PCDHGA4: variants seen among roughly 807,000 people sequenced by gnomAD.
The protein encoded by PCDHGA4 is protocadherin gamma subfamily A, 4.
A neutral mutation model predicts 54.6 loss-of-function variants in PCDHGA4; 38 were observed. That is an observed-to-expected ratio of 0.70 (90% confidence interval 0.54 to 0.91). PCDHGA4 has a LOEUF of 0.91. PCDHGA4 is among the 40% of genes least tolerant of loss of function. The pLI, the probability that PCDHGA4 is intolerant of heterozygous loss-of-function variation, is 0.00. For missense variants in PCDHGA4, 1,298 were observed against 1,220.9 expected, an observed-to-expected ratio of 1.06 and a Z score of -0.94; for synonymous variants, 511 against 512.9, an observed-to-expected ratio of 1.00 and a Z score of 0.05.
At position 141,493,332 on chromosome 5, in the gene PCDHGA4, C is replaced by T. The variant is rs2099747680; in HGVS notation, c.2515-1475C>T. 6.6e-6 allele frequency among the ~76,000 whole-genome samples: 1 copy of T among 152,210 alleles called. No homozygotes were observed. The highest frequency in any genetic ancestry group is 1.5e-5 in the Non-Finnish European group (1 of 68,036). Reference sequence around the variant, plus strand: ...AAGAGAGATTCTAACCCCTGTCTAACTCCAGAATGTGTGCTTTTAATTTCT... The same window carrying T: ...AAGAGAGATTCTAACCCCTGTCTAATTCCAGAATGTGTGCTTTTAATTTCT... On this transcript the variant is annotated intron_variant, in intron 1 of 3. Transcript: ENST00000571252. This position sits in a 1 kb window ranked among gnomAD's most constrained non-coding sequence, Gnocchi z 4.3.
At position 141,512,045 on chromosome 5, in the gene PCDHGA4, C is replaced by T. The variant is rs568357347; in HGVS notation, c.*872C>T. On this transcript the variant is annotated 3_prime_UTR_variant, in exon 4 of 4. Transcript: ENST00000571252. ...GGCCTTGGAGGAGGCTCTGTATGTC[C>T]TCAGGGGACTGACAACATCCTCCAG... The T allele has an allele frequency of 1.5e-3, 224 of 152,846 alleles. 2 individuals are homozygous for T. The highest frequency in any genetic ancestry group is 4.6e-4 in the Non-Finnish European group (31 of 68,130). The allele number at this position is 152,846 out of a possible 1,614,324, so 9.5% of individuals were successfully genotyped here. A position where few individuals can be genotyped will look rare whatever the true frequency, so the allele number is the denominator to read the frequency against.
At chr5:141,412,509 A>G (rs1452202369) in intron 1 of PCDHGA4, 2 of 152,208 alleles carry the variant, frequency 1.3e-5, no homozygotes, top group Admixed American at 1.3e-4. Flanking sequence ...AATAAGTTTA[A>G]TGAATTAAGT....
At chr5:141,371,133 T>C (rs772495360) in intron 1 of PCDHGA4, 1 of 1,614,000 alleles carries the variant, frequency 6.2e-7, no homozygotes, top group Non-Finnish European at 8.5e-7. Flanking sequence ...TCAGGACATG[T>C]ACAGGGTCAA....
At chr5:141,384,795 G>C (rs763067876) in intron 1 of PCDHGA4, 1 of 1,613,482 alleles carries the variant, frequency 6.2e-7, no homozygotes, top group South Asian at 1.1e-5. Context: ...CTCGGGCCCT[G>C]CTGGACAGAG....
intron 1 of PCDHGA4, among the ~76,000 whole-genome samples, chr5:141,450,315 G>A (rs1319432573): frequency 1.3e-5 from 2 of 151,918 alleles, no homozygotes; most frequent in African/African-American, 4.8e-5. Context: ...GTGTGGCCTA[G>A]TTGCCATGTC....
chr5:141,399,735 T>A (rs909521642), intron 1 of PCDHGA4: 1 of 1,613,198 alleles, frequency 6.2e-7, no homozygotes, highest in African/African-American at 1.3e-5. Flanking sequence ...AGGGCTCGCC[T>A]GCGCTCAGCG....
chr5:141,368,261 C>A (rs1765551887), intron 1 of PCDHGA4, among the ~76,000 whole-genome samples: 1 of 152,202 alleles, frequency 6.6e-6, no homozygotes, highest in African/African-American at 2.4e-5. Flanking sequence ...TTAATTGACA[C>A]ATTAAAGAAC....
Position 141,417,931 on chromosome 5 carries a change from G to C in PCDHGA4, c.2514+60310G>C, listed in dbSNP as rs551432799. The C allele has an allele frequency of 6.2e-6, 10 of 1,611,500 alleles. No homozygotes were observed. In the South Asian group the frequency reaches 9.9e-5, roughly 16 times the overall value. On this transcript the variant is annotated intron_variant, in intron 1 of 3. Transcript: ENST00000571252. ...TACTATTTCCTTTGCTGCTGCCTTT[G>C]TTCTACCCCACGCTGTGTGAGCCGA...
chr5:141,405,204 A>G, intron 1 of PCDHGA4: 1 of 1,613,034 alleles, frequency 6.2e-7, no homozygotes. Flanking sequence ...GCTTTCCTAC[A>G]GACCTATTCT....
intron 1 of PCDHGA4, among the ~76,000 whole-genome samples, chr5:141,359,034 G>C (rs79372563): frequency 0.023 from 3,485 of 152,348 alleles, 54 homozygotes; most frequent in South Asian, 0.038. Flanking sequence ...GGAAGTTGTA[G>C]TGATAGACTG....
intron 1 of PCDHGA4, among the ~76,000 whole-genome samples, chr5:141,479,789 T>C (rs888217885): frequency 3.3e-5 from 5 of 152,196 alleles, no homozygotes; most frequent in Non-Finnish European, 2.9e-5. Flanking sequence ...AAAGCATTCA[T>C]TAATTCAGGG....
intron 1 of PCDHGA4, chr5:141,392,986 A>G (rs573495684): frequency 1.9e-6 from 3 of 1,613,454 alleles, no homozygotes; most frequent in East Asian, 4.5e-5. Context: ...GACCCCCGGA[A>G]GCTGGCGAAG....
intron 1 of PCDHGA4, chr5:141,364,485 T>C (rs1357301419): frequency 6.2e-7 from 1 of 1,614,028 alleles, no homozygotes; most frequent in Admixed American, 1.7e-5. Flanking sequence ...GCCAAGGACC[T>C]TGGGCTGGAG....
Position 141,505,427 on chromosome 5 carries a change from A to G in PCDHGA4, c.2608A>G (p.Asn870Asp), listed in dbSNP as rs1453435374. Reference protein sequence around the residue: ...QNGDDTGTWPNNQFDTEMLQA... With the variant: ...QNGDDTGTWPDNQFDTEMLQA... The stretch of plus-strand genomic sequence containing the variant: ...TGGCGATGACACCGGCACCTGGCCC[A>G]ACAACCAGTTTGACACAGAGATGCT... The change falls in exon 3 of 4, where the codon AAC (asparagine) becomes GAC (aspartate). Residue 870 changes from asparagine to aspartate, a missense_variant. Physicochemically the swap from Asn to Asp is conservative, Grantham distance 23 (BLOSUM62 1). Coordinates refer to ENST00000571252, the MANE Select transcript of PCDHGA4 (RefSeq NM_018917.4). 1 of 1,614,230 alleles carries G rather than the reference A, an allele frequency of 6.2e-7. No individual in the cohort carries two copies. Among genetic ancestry groups the G allele is most frequent in the East Asian group, 2.2e-5 (1 of 44,878 alleles).
rs748524462 is a variant in PCDHGA4, at chr5:141,356,665, T to C, written c.1558T>C (p.Tyr520His). 3 of 1,613,898 alleles carry C rather than the reference T, an allele frequency of 1.9e-6. No homozygotes were observed. The highest frequency in any genetic ancestry group is 3.3e-5 in the Admixed American group (2 of 60,008). ...PDSGDNARITYSLAEDTFQGA... is the reference protein window; with the variant it reads ...PDSGDNARITHSLAEDTFQGA... ...CAGTGGTGACAATGCCCGAATCACT[T>C]ACTCCCTGGCCGAAGACACCTTCCA... The change falls in exon 1 of 4, where the codon TAC becomes CAC. Residue 520 changes from tyrosine (Y) to histidine (H), a missense_variant. By Grantham distance (83) the Tyr-to-His change is moderately conservative. Coordinates refer to ENST00000571252, the MANE Select transcript of PCDHGA4 (RefSeq NM_018917.4).
At position 141,511,420 on chromosome 5, in the gene PCDHGA4, G is replaced by A; in HGVS notation, c.*247G>A. On this transcript the variant is annotated 3_prime_UTR_variant, in exon 4 of 4. Coordinates refer to ENST00000571252, the MANE Select transcript of PCDHGA4 (RefSeq NM_018917.4). ...TCCAATCAACTGCTGTACCCATGGG[G>A]GTAGTGGGGTTACTGTAGACACCAA... 2.4e-6 allele frequency: 2 copies of A among 830,862 alleles called. No individual in the cohort carries two copies. Among genetic ancestry groups the A allele is most frequent in the Non-Finnish European group, 1.8e-6 (1 of 557,336 alleles). The allele number at this position is 830,862 out of a possible 1,614,324, so 51.5% of individuals were successfully genotyped here.
At chr5:141,357,720 C>T (rs1760710135) in intron 1 of PCDHGA4, 99 bp downstream of exon 1, 1 of 1,425,466 alleles carries the variant, frequency 7.0e-7, no homozygotes, top group Non-Finnish European at 9.4e-7. Context: ...ATAAAGTTGC[C>T]TCTTTTAATA....
At chr5:141,375,047 C>T (rs201669950) in intron 1 of PCDHGA4, 1 of 1,613,958 alleles carries the variant, frequency 6.2e-7, no homozygotes, top group Non-Finnish European at 8.5e-7. Context: ...TGTTGAAGCC[C>T]GGGATGGGCC....
intron 1 of PCDHGA4, among the ~76,000 whole-genome samples, chr5:141,433,853 A>C (rs934981508): frequency 1.3e-5 from 2 of 151,912 alleles, no homozygotes; most frequent in African/African-American, 2.4e-5. Context: ...AAAAAAAAAA[A>C]AACTTTATCC....
Sources: gnomAD v4.1 joint callset for allele counts (sites outside exome capture counted in the v4.1 genomes callset) on GRCh38, gnomAD v4.1.1 for gene constraint, Gnocchi (gnomAD v3.1) non-coding constraint, MANE v1.5 for transcripts, NCBI Gene and HGNC (gene_info 2026-07-23, HGNC 2026-07-21) for gene names.